The following MAGI2 variants were observed in gnomAD, a reference collection of about 807,000 sequenced individuals.
The protein encoded by MAGI2 is membrane associated guanylate kinase, WW and PDZ domain containing 2.
A neutral mutation model predicts 133.3 loss-of-function variants in MAGI2; 35 were observed. The observed-to-expected ratio is 0.26, with a 90% confidence interval of 0.20 to 0.35. The LOEUF (loss-of-function observed/expected upper bound fraction) is 0.35, where lower values mean the gene tolerates loss of function less well. Among genes scored for constraint, MAGI2 ranks in the 10% least tolerant of loss-of-function variants. The pLI is 1.00. For missense variants in MAGI2, 1,636 were observed against 1,863.4 expected, an observed-to-expected ratio of 0.88 and a Z score of 2.25; for synonymous variants, 729 against 710.6, an observed-to-expected ratio of 1.03 and a Z score of -0.41.
chr7:78,546,037 A>T (rs17372041), intron 3 of MAGI2, among the ~76,000 whole-genome samples: 2,039 of 152,262 alleles, frequency 0.013, 23 homozygotes, highest in South Asian at 0.029. Flanking sequence ...TAAAATAAAG[A>T]TGTTCATGTA....
intron 2 of MAGI2, among the ~76,000 whole-genome samples, chr7:78,905,122 C>T (rs1797901752): frequency 6.6e-6 from 1 of 152,170 alleles, no homozygotes; most frequent in African/African-American, 2.4e-5. Flanking sequence ...GGCTTACTCT[C>T]CCTGAGTTTC....
intron 2 of MAGI2, among the ~76,000 whole-genome samples, chr7:78,644,548 A>T (rs1810644730): frequency 6.6e-6 from 1 of 152,176 alleles, no homozygotes; most frequent in Non-Finnish European, 1.5e-5. Context: ...ACACACTTTC[A>T]AATAGCTCAT....
At chr7:79,425,874 G>A (rs945311480) in intron 1 of MAGI2, among the ~76,000 whole-genome samples, 1 of 151,996 alleles carries the variant, frequency 6.6e-6, no homozygotes, top group African/African-American at 2.4e-5. Context: ...ATGAAGCATT[G>A]TGCAGATTGT....
chr7:78,243,534 A>G (rs1360286754), intron 10 of MAGI2, among the ~76,000 whole-genome samples: 1 of 152,140 alleles, frequency 6.6e-6, no homozygotes, highest in Non-Finnish European at 1.5e-5. Context: ...CAAAAACACA[A>G]TTCTCTGGGT....
chr7:78,162,259 C>T (rs561664476), intron 15 of MAGI2, among the ~76,000 whole-genome samples: 9 of 152,040 alleles, frequency 5.9e-5, no homozygotes, highest in Middle Eastern at 3.4e-3. Context: ...AGCGCGGTGG[C>T]TCACGCCTGT....
intron 1 of MAGI2, among the ~76,000 whole-genome samples, chr7:79,427,627 A>G (rs955526659): frequency 1.3e-5 from 2 of 152,188 alleles, no homozygotes; most frequent in African/African-American, 4.8e-5. Context: ...CATGTTGTCC[A>G]GCATAGCTAA....
intron 7 of MAGI2, among the ~76,000 whole-genome samples, chr7:78,366,111 A>G (rs1390222320): frequency 6.6e-6 from 1 of 152,186 alleles, no homozygotes; most frequent in Non-Finnish European, 1.5e-5. Flanking sequence ...AATTAAACAT[A>G]AGAATGATAG....
At chr7:78,967,489 T>G (rs1803421145) in intron 2 of MAGI2, among the ~76,000 whole-genome samples, 1 of 152,124 alleles carries the variant, frequency 6.6e-6, no homozygotes, top group Admixed American at 6.6e-5. Flanking sequence ...TTGCCTGTAC[T>G]TTTGGTGTCA....
chr7:78,081,767 G>A (rs77392703), intron 20 of MAGI2, among the ~76,000 whole-genome samples: 5,152 of 152,264 alleles, frequency 0.034, 110 homozygotes, highest in East Asian at 0.065. Context: ...GCTGAGTGGT[G>A]GTTAGAAATC....
At chr7:78,382,279 A>G (rs531621779) in intron 6 of MAGI2, among the ~76,000 whole-genome samples, 1 of 152,218 alleles carries the variant, frequency 6.6e-6, no homozygotes, top group East Asian at 1.9e-4. Context: ...CGAGTGGGAG[A>G]GATCAGAAAG....
chr7:79,165,538 C>T (rs1485649055), intron 1 of MAGI2, among the ~76,000 whole-genome samples: 1 of 152,016 alleles, frequency 6.6e-6, no homozygotes, highest in African/African-American at 2.4e-5. Flanking sequence ...CAAACACATA[C>T]ATTTTAATAA....
intron 2 of MAGI2, among the ~76,000 whole-genome samples, chr7:78,862,210 T>C (rs1794205242): frequency 6.6e-6 from 1 of 152,210 alleles, no homozygotes; most frequent in African/African-American, 2.4e-5. Context: ...CTTCTCTCTC[T>C]TTTACAACAG....
At position 79,025,504 on chromosome 7, in the gene MAGI2, G is replaced by GT. The variant is rs548843398; in HGVS notation, c.302-18299dup. ...ACATGTACCCCTGAGCCTAAAATAA[G>GT]TTTTTTTAAAAAGGAATAGAATGTG... On this transcript the variant is annotated intron_variant, in intron 1 of 21. Coordinates refer to ENST00000354212, the MANE Select transcript of MAGI2 (RefSeq NM_012301.4). Among the ~76,000 whole-genome samples, 541 of 152,206 alleles carry GT rather than the reference G, an allele frequency of 3.6e-3. 3 individuals are homozygous for GT. Among genetic ancestry groups the GT allele is most frequent in the African/African-American group, 0.012 (512 of 41,552 alleles).
intron 1 of MAGI2, chr7:79,012,151 T>C (rs1808226120): frequency 6.6e-6 from 1 of 152,074 alleles, no homozygotes; most frequent in African/African-American, 2.4e-5. Flanking sequence ...AAAGCGACAC[T>C]CTGAAGAAAT....
At chr7:78,877,078 T>G (rs1795486435) in intron 2 of MAGI2, among the ~76,000 whole-genome samples, 1 of 152,244 alleles carries the variant, frequency 6.6e-6, no homozygotes, top group African/African-American at 2.4e-5. Flanking sequence ...CACTACAAGA[T>G]GATCCAAGCT....
chr7:79,275,802 T>C (rs186464995), intron 1 of MAGI2, among the ~76,000 whole-genome samples: 1 of 151,944 alleles, frequency 6.6e-6, no homozygotes, highest in Non-Finnish European at 1.5e-5. Flanking sequence ...TTAAGAATGA[T>C]GCTAAATCGA....
chr7:79,001,774 A>G (rs971578085), intron 2 of MAGI2, among the ~76,000 whole-genome samples: 9 of 152,172 alleles, frequency 5.9e-5, no homozygotes, highest in African/African-American at 2.2e-4. Flanking sequence ...TCGAATCCAT[A>G]TTACCCAAGA....
chr7:79,022,377 G>A lies in MAGI2; in HGVS notation c.302-15171C>T, dbSNP rs138068574. ...GAATCTCTGAGATACATCCAAAGCA[G>A]TGATAAGAGGGGAGTTTATAGTGCT... On this transcript the variant is annotated intron_variant, in intron 1 of 21. Coordinates refer to ENST00000354212, the MANE Select transcript of MAGI2 (RefSeq NM_012301.4). Among the ~76,000 whole-genome samples, 332 of 152,216 alleles carry A rather than the reference G, an allele frequency of 2.2e-3. 1 individual carries two copies. Among genetic ancestry groups the A allele is most frequent in the African/African-American group, 7.5e-3 (312 of 41,558 alleles).
chr7:78,306,800 G>C (rs1798275068), intron 9 of MAGI2, among the ~76,000 whole-genome samples: 1 of 152,094 alleles, frequency 6.6e-6, no homozygotes, highest in South Asian at 2.1e-4. Flanking sequence ...GAAAGTCATT[G>C]GTATGGTTTT....
Sources: gnomAD v4.1 joint callset for allele counts (sites outside exome capture counted in the v4.1 genomes callset) on GRCh38, gnomAD v4.1.1 for gene constraint, MANE v1.5 for transcripts, NCBI Gene and HGNC (gene_info 2026-07-23, HGNC 2026-07-21) for gene names.